The following MGAT4A variants were observed in gnomAD, a reference collection of about 807,000 sequenced individuals.
The protein encoded by MGAT4A is N-acetylglucosaminyltransferase IVa.
A neutral mutation model predicts 74.1 loss-of-function variants in MGAT4A; 33 were observed. That is an observed-to-expected ratio of 0.45 (90% confidence interval 0.34 to 0.60). MGAT4A has a LOEUF of 0.60. MGAT4A is among the 20% of genes least tolerant of loss of function. The pLI, the probability that MGAT4A is intolerant of heterozygous loss-of-function variation, is 0.02. For missense variants in MGAT4A, 479 were observed against 628.3 expected (o/e 0.76, Z 2.54); for synonymous variants, 198 against 210.4 (o/e 0.94, Z 0.51).
At chr2:98,718,959 C>G (rs1407095045) in intron 2 of MGAT4A, among the ~76,000 whole-genome samples, 1 of 152,154 alleles carries the variant, frequency 6.6e-6, no homozygotes, top group Non-Finnish European at 1.5e-5. Context: ...ATCCTCAGTC[C>G]CACCTCAAGA....
Position 98,719,573 on chromosome 2 carries a change from G to A in MGAT4A, c.94+6666C>T, listed in dbSNP as rs573543215. ...GAAAAATACAACCAATACACCAAAC[G>A]GGGAAAAAAAACCAAGCAGGTAACA... On this transcript the variant is annotated intron_variant, in intron 2 of 15. Transcript: ENST00000393487. Among the ~76,000 whole-genome samples the A allele has an allele frequency of 5.3e-5, 8 of 152,118 alleles. No homozygotes were observed. The South Asian group carries it at 1.0e-3, about 20-fold the overall frequency.
At chr2:98,676,903 A>C (rs887947625) in intron 3 of MGAT4A, among the ~76,000 whole-genome samples, 10 of 152,222 alleles carry the variant, frequency 6.6e-5, no homozygotes, top group Non-Finnish European at 1.3e-4. Context: ...TTTTTTATCT[A>C]CACTAGTCCA....
At chr2:98,730,824 G>A (rs1334787626) in intron 1 of MGAT4A, among the ~76,000 whole-genome samples, 2 of 138,930 alleles carry the variant, frequency 1.4e-5, no homozygotes, top group Non-Finnish European at 3.1e-5. Context: ...AGGCCCAGCC[G>A]CTCCCGGAGC....
chr2:98,668,382 C>T (rs538794131), intron 4 of MGAT4A, among the ~76,000 whole-genome samples: 2 of 152,358 alleles, frequency 1.3e-5, no homozygotes, highest in African/African-American at 2.4e-5. Context: ...TCAGAGGGTG[C>T]AAGCCCCAAG....
intron 4 of MGAT4A, among the ~76,000 whole-genome samples, chr2:98,669,236 G>A (rs776376227): frequency 3.3e-5 from 5 of 152,124 alleles, no homozygotes; most frequent in African/African-American, 9.7e-5. Context: ...GGAGGGACCC[G>A]GTGGGAGGTA....
chr2:98,711,318 C>T (rs958510628), intron 2 of MGAT4A, among the ~76,000 whole-genome samples: 4 of 149,322 alleles, frequency 2.7e-5, no homozygotes, highest in Admixed American at 1.3e-4. Flanking sequence ...TAAATTACAT[C>T]GGGGGAAGCA....
chr2:98,715,809 A>G (rs1487304667), intron 2 of MGAT4A, among the ~76,000 whole-genome samples: 1 of 152,250 alleles, frequency 6.6e-6, no homozygotes, highest in Non-Finnish European at 1.5e-5. Flanking sequence ...AAATTGCTGC[A>G]GGCAAAAATC....
In MGAT4A at chr2:98,663,031, C is replaced by A. The variant is rs1553537359; in HGVS notation, c.537+15G>T. ...GCTATATTTGGTAAAAACATAACAACAATTAAATAATTACCTCTCCTATGA... is the reference window on the plus strand; with the variant it reads ...GCTATATTTGGTAAAAACATAACAAAAATTAAATAATTACCTCTCCTATGA... On this transcript the variant is annotated intron_variant, in intron 5 of 15. Coordinates refer to ENST00000393487, the MANE Select transcript of MGAT4A (RefSeq NM_012214.3). 1.4e-6 allele frequency: 2 copies of A among 1,467,744 alleles called. No individual in the cohort carries two copies. The highest frequency in any genetic ancestry group is 2.3e-5 in the East Asian group (1 of 43,106). 90.9% of individuals were successfully genotyped at this position (1,467,744 alleles called of 1,614,324 possible).
intron 2 of MGAT4A, among the ~76,000 whole-genome samples, chr2:98,690,688 C>T (rs925097849): frequency 7.9e-5 from 12 of 151,962 alleles, no homozygotes; most frequent in Admixed American, 4.6e-4. Flanking sequence ...ACCAAGATGA[C>T]GCAGATGTTG....
chr2:98,679,664 G>T (rs950420342), intron 2 of MGAT4A, among the ~76,000 whole-genome samples: 25 of 152,168 alleles, frequency 1.6e-4, no homozygotes, highest in African/African-American at 5.6e-4. Flanking sequence ...CACTGAGCTA[G>T]ATGTACAATG....
intron 14 of MGAT4A, among the ~76,000 whole-genome samples, chr2:98,633,461 C>T (rs1369037179): frequency 2.6e-5 from 4 of 152,134 alleles, no homozygotes; most frequent in African/African-American, 9.7e-5. Flanking sequence ...ACAATCTTCA[C>T]AGATTTAAAA....
chr2:98,703,299 C>T (rs995434558), intron 2 of MGAT4A, among the ~76,000 whole-genome samples: 1 of 151,962 alleles, frequency 6.6e-6, no homozygotes, highest in Non-Finnish European at 1.5e-5. Context: ...GGCAGAAGAA[C>T]AGAAGAATCA....
At chr2:98,646,653 T>C (rs750224869) in intron 8 of MGAT4A, among the ~76,000 whole-genome samples, 26 of 152,142 alleles carry the variant, frequency 1.7e-4, no homozygotes, top group Non-Finnish European at 3.4e-4. Context: ...GCTGGACTTA[T>C]ATAGAAAGGA....
chr2:98,726,400 C>A lies in MGAT4A; in HGVS notation c.-68G>T. 7.3e-7 allele frequency: 1 copy of A among 1,369,866 alleles called. No homozygotes were observed. The highest frequency in any genetic ancestry group is 1.2e-5 in the South Asian group (1 of 81,254). 84.9% of individuals were successfully genotyped at this position (1,369,866 alleles called of 1,614,324 possible). A position where few individuals can be genotyped will look rare whatever the true frequency, so the allele number is the denominator to read the frequency against. ...CAACCAGGACTGTTTTCTTTTTACC[C>A]TGAAAGTCAACTGAATGCAGTACTC... On this transcript the variant is annotated 5_prime_UTR_variant, in exon 2 of 16. It adds an upstream start codon to the 5' untranslated region. Transcript: ENST00000393487.
At chr2:98,704,069 T>A (rs1202131422) in intron 2 of MGAT4A, among the ~76,000 whole-genome samples, 1 of 152,132 alleles carries the variant, frequency 6.6e-6, no homozygotes, top group Non-Finnish European at 1.5e-5. Context: ...GTAAGTAGGG[T>A]CTGTATGGCA....
At chr2:98,660,946 A>G (rs1026292353) in intron 5 of MGAT4A, among the ~76,000 whole-genome samples, 2 of 152,222 alleles carry the variant, frequency 1.3e-5, no homozygotes, top group Non-Finnish European at 2.9e-5. Flanking sequence ...ACTCTTCTAC[A>G]TGGCAAAGGA....
chr2:98,730,761 G>T (rs1336688716), intron 1 of MGAT4A, among the ~76,000 whole-genome samples: 1 of 149,318 alleles, frequency 6.7e-6, no homozygotes, highest in African/African-American at 2.4e-5. Context: ...TGCGCGGTGC[G>T]GGGCAGGGAC....
At chr2:98,636,195 G>A (rs1371933140) in intron 13 of MGAT4A, among the ~76,000 whole-genome samples, 1 of 151,588 alleles carries the variant, frequency 6.6e-6, no homozygotes, top group Non-Finnish European at 1.5e-5. Context: ...GTTTTGTCAT[G>A]TTGGCCAGAC....
At chr2:98,658,575 T>G (rs2104263928) in intron 5 of MGAT4A, among the ~76,000 whole-genome samples, 1 of 152,328 alleles carries the variant, frequency 6.6e-6, no homozygotes, top group Admixed American at 6.5e-5. Flanking sequence ...TAGTGACAGA[T>G]GCTGCACGAT....
Sources: gnomAD v4.1 joint callset for allele counts (sites outside exome capture counted in the v4.1 genomes callset) on GRCh38, gnomAD v4.1.1 for gene constraint, MANE v1.5 for transcripts, NCBI Gene and HGNC (gene_info 2026-07-23, HGNC 2026-07-21) for gene names.